PKNOX2: variants seen among roughly 807,000 people sequenced by gnomAD.
PKNOX2 encodes homeobox protein PKNOX2.
Under a neutral mutation model 53.1 loss-of-function variants are expected in PKNOX2, and 14 were observed. The ratio of observed to expected loss-of-function variants is 0.26; its 90% CI spans 0.17 to 0.41. The LOEUF (loss-of-function observed/expected upper bound fraction) is 0.41, where lower values mean the gene tolerates loss of function less well. PKNOX2 is among the 10% of genes least tolerant of loss of function. The pLI is 1.00. For synonymous variants in PKNOX2, 257 were observed against 242.8 expected (o/e 1.06, Z -0.54); for missense variants, 496 against 602.8 (o/e 0.82, Z 1.85).
chr11:125,264,298 G>C (rs568483260), intron 2 of PKNOX2, among the ~76,000 whole-genome samples: 55 of 152,278 alleles, frequency 3.6e-4, no homozygotes, highest in African/African-American at 1.3e-3. Context: ...TGAGCTCACC[G>C]TATGTCCCCA....
At position 125,324,355 on chromosome 11, in the gene PKNOX2, G is replaced by A. The variant is rs145994576; in HGVS notation, c.-129-7464G>A. ...AATAAATTGGATAATATGGTTCTTC[G>A]TAAAGGAGATCAGCATGTGGTGTGT... is the stretch of plus-strand genomic sequence containing the variant. On this transcript the variant is annotated intron_variant, in intron 2 of 12. Transcript: ENST00000298282. 5.3e-5 allele frequency among the ~76,000 whole-genome samples: 8 copies of A among 152,254 alleles called. No homozygotes were observed. In the East Asian group the frequency reaches 9.6e-4, roughly 18 times the overall value.
chr11:125,342,096 G>A (rs1015627280), intron 3 of PKNOX2, among the ~76,000 whole-genome samples: 10 of 152,182 alleles, frequency 6.6e-5, no homozygotes, highest in African/African-American at 2.2e-4. Flanking sequence ...GAGCGTCTCA[G>A]GAACTAGTGG....
At chr11:125,177,003 G>A (rs1296281450) in intron 1 of PKNOX2, among the ~76,000 whole-genome samples, 1 of 152,222 alleles carries the variant, frequency 6.6e-6, no homozygotes, top group African/African-American at 2.4e-5. Flanking sequence ...ACCTTGCGAT[G>A]TTCATGTTCA....
chr11:125,178,855 C>A (rs1258569086), intron 1 of PKNOX2, among the ~76,000 whole-genome samples: 1 of 151,898 alleles, frequency 6.6e-6, no homozygotes, highest in Non-Finnish European at 1.5e-5. Flanking sequence ...GTGATATGAC[C>A]CAGGAAAACG....
At position 125,272,424 on chromosome 11, in the gene PKNOX2, C is replaced by T. The variant is rs551820219; in HGVS notation, c.-130+37309C>T. The stretch of plus-strand genomic sequence containing the variant: ...GAGATGAATGCTCTTGTCCCAGTTT[C>T]ACAATTGAGAGGACAGAGATGCAGA... On this transcript the variant is annotated intron_variant, in intron 2 of 12. Coordinates refer to ENST00000298282, the MANE Select transcript of PKNOX2 (RefSeq NM_001382323.2). 4.3e-4 allele frequency among the ~76,000 whole-genome samples: 66 copies of T among 152,312 alleles called. 1 individual carries two copies. The highest frequency in any genetic ancestry group is 1.4e-3 in the African/African-American group (59 of 41,568).
At chr11:125,242,698 G>A (rs994206622) in intron 2 of PKNOX2, among the ~76,000 whole-genome samples, 1 of 152,190 alleles carries the variant, frequency 6.6e-6, no homozygotes, top group African/African-American at 2.4e-5. Context: ...GTGTGCGAGC[G>A]AGGCAGTCTT....
intron 5 of PKNOX2, among the ~76,000 whole-genome samples, chr11:125,375,127 C>T (rs955435109): frequency 6.6e-6 from 1 of 152,186 alleles, no homozygotes; most frequent in Non-Finnish European, 1.5e-5. Flanking sequence ...AAAATTTAGT[C>T]TGCATTCTGA....
intron 2 of PKNOX2, among the ~76,000 whole-genome samples, chr11:125,282,996 A>G (rs1946665482): frequency 6.6e-6 from 1 of 152,114 alleles, no homozygotes; most frequent in Admixed American, 6.5e-5. Flanking sequence ...TACTAAAAAT[A>G]CAAAAATTAG....
chr11:125,236,898 C>T (rs906325376), intron 2 of PKNOX2, among the ~76,000 whole-genome samples: 1 of 152,212 alleles, frequency 6.6e-6, no homozygotes, highest in African/African-American at 2.4e-5. Context: ...GCAAATATTC[C>T]AAGTTAATTC....
intron 3 of PKNOX2, among the ~76,000 whole-genome samples, chr11:125,350,030 G>T (rs2136196434): frequency 6.6e-6 from 1 of 152,288 alleles, no homozygotes; most frequent in Non-Finnish European, 1.5e-5. Flanking sequence ...GGGACGGAGG[G>T]TGTGAGTGCT....
chr11:125,355,378 C>T (rs1429463468), intron 4 of PKNOX2, among the ~76,000 whole-genome samples: 1 of 152,066 alleles, frequency 6.6e-6, no homozygotes, highest in Admixed American at 6.5e-5. Context: ...CTGCTAAATT[C>T]TGCCAGAGTA....
rs774543165 is a variant in PKNOX2, at chr11:125,410,204, G to T, written c.597G>T (p.Leu199=). ...GCCTCCCTCACTGCCAGGACCTCCT[G>T]CAGAATTCCCCCAATTCCATGTCCG... ...PSINLHSQDL[L]QNSPNSMSGV... The change falls in exon 8 of 13, where the codon CTG becomes CTT. Residue 199 remains leucine (L), a synonymous_variant. Coordinates refer to ENST00000298282, the MANE Select transcript of PKNOX2 (RefSeq NM_001382323.2). 2.5e-6 allele frequency: 4 copies of T among 1,613,958 alleles called. No homozygotes were observed. Among genetic ancestry groups the T allele is most frequent in the Non-Finnish European group, 3.4e-6 (4 of 1,179,928 alleles).
intron 4 of PKNOX2, 29 bp from the exon 5 acceptor site, chr11:125,367,817 C>T: frequency 6.2e-7 from 1 of 1,602,152 alleles, no homozygotes; most frequent in African/African-American, 1.3e-5. Context: ...CCATGCTAAC[C>T]CACCACCTCC....
intron 10 of PKNOX2, among the ~76,000 whole-genome samples, chr11:125,427,661 C>T (rs2135686505): frequency 6.6e-6 from 1 of 152,236 alleles, no homozygotes; most frequent in Middle Eastern, 3.4e-3. Context: ...GATTTTGAGA[C>T]CTCCCATCTC....
At chr11:125,378,305 CA>C (rs1374166989) in intron 5 of PKNOX2, among the ~76,000 whole-genome samples, 1 of 152,216 alleles carries the variant, frequency 6.6e-6, no homozygotes, top group African/African-American at 2.4e-5. Flanking sequence ...CCCCACCGGC[CA>C]ACAGCCTTGT....
chr11:125,412,187 A>G (rs1368255684), intron 10 of PKNOX2, among the ~76,000 whole-genome samples: 1 of 152,206 alleles, frequency 6.6e-6, no homozygotes, highest in Non-Finnish European at 1.5e-5. Flanking sequence ...AGAGAGGGTC[A>G]CTGCGGGGAG....
intron 3 of PKNOX2, among the ~76,000 whole-genome samples, chr11:125,334,485 G>A (rs1478523672): frequency 2.0e-5 from 3 of 152,108 alleles, no homozygotes; most frequent in Admixed American, 2.0e-4. Flanking sequence ...CTGGTTCCTT[G>A]AGGAAACTTA....
At chr11:125,313,876 A>T (rs1948983705) in intron 2 of PKNOX2, among the ~76,000 whole-genome samples, 1 of 152,196 alleles carries the variant, frequency 6.6e-6, no homozygotes, top group Non-Finnish European at 1.5e-5. Context: ...ATCACCACAG[A>T]GAGTTCTATT....
chr11:125,366,320 A>G (rs1285343866), intron 4 of PKNOX2, among the ~76,000 whole-genome samples: 2 of 152,230 alleles, frequency 1.3e-5, no homozygotes, highest in Non-Finnish European at 2.9e-5. Context: ...AGATCAGCCA[A>G]CAGTGGCAAG....
Sources: gnomAD v4.1 joint callset for allele counts (sites outside exome capture counted in the v4.1 genomes callset) on GRCh38, gnomAD v4.1.1 for gene constraint, MANE v1.5 for transcripts, NCBI Gene and HGNC (gene_info 2026-07-23, HGNC 2026-07-21) for gene names.